LRCH1: variants seen among roughly 807,000 people sequenced by gnomAD.
The protein encoded by LRCH1 is leucine-rich repeat and calponin homology domain-containing protein 1.
In LRCH1, 23 loss-of-function variants were observed where a neutral mutation model predicts 94.9. That is an observed-to-expected ratio of 0.24 (90% CI 0.17 to 0.34). The LOEUF (loss-of-function observed/expected upper bound fraction) is 0.34, where lower values mean the gene tolerates loss of function less well. LRCH1 is among the 10% of genes least tolerant of loss of function. LRCH1 has a pLI of 1.00. For synonymous variants in LRCH1, 364 were observed against 354.9 expected, an observed-to-expected ratio of 1.03 and a Z score of -0.29; for missense variants, 790 against 945.9, an observed-to-expected ratio of 0.84 and a Z score of 2.16.
intron 1 of LRCH1, among the ~76,000 whole-genome samples, chr13:46,636,682 A>T (rs2051094945): frequency 6.6e-6 from 1 of 152,070 alleles, no homozygotes; most frequent in Admixed American, 6.6e-5. Context: ...TCTGACAGTC[A>T]TTTCTCAGTC....
chr13:46,712,565 G>T lies in LRCH1; in HGVS notation c.1622G>T (p.Ser541Ile). The change falls in exon 15 of 20, where the codon AGC becomes ATC. Residue 541 changes from serine to isoleucine, a missense_variant. Coordinates refer to ENST00000389797, the MANE Select transcript of LRCH1 (RefSeq NM_001164211.2). ...CCTGCAGTCTCTCCTACCACAAACA[G>T]CACAGCTCCATTTGGCCTGAAGCCT... ...NSPAVSPTTN[S>I]TAPFGLKPRS... 6.2e-7 allele frequency: 1 copy of T among 1,613,844 alleles called. No individual in the cohort carries two copies. The highest frequency in any genetic ancestry group is 1.1e-5 in the South Asian group (1 of 91,076).
intron 1 of LRCH1, among the ~76,000 whole-genome samples, chr13:46,558,274 A>G (rs761214558): frequency 6.6e-6 from 1 of 152,178 alleles, no homozygotes; most frequent in Non-Finnish European, 1.5e-5. Flanking sequence ...ACTGATGGAC[A>G]TTGTGTGTAG....
Position 46,553,252 on chromosome 13 carries a change from G to T in LRCH1, c.-145G>T. The T allele has an allele frequency of 2.8e-6, 1 of 358,302 alleles. No individual in the cohort carries two copies. 22.2% of individuals were successfully genotyped at this position (358,302 alleles called of 1,614,324 possible). ...TCCCCGCCCGCCCCCCATTCTACGCGCCTGCCCACACCCTCCTCCCCTCCT... is the reference window on the plus strand; with the variant it reads ...TCCCCGCCCGCCCCCCATTCTACGCTCCTGCCCACACCCTCCTCCCCTCCT... On this transcript the variant is annotated 5_prime_UTR_variant, in exon 1 of 20. Coordinates refer to ENST00000389797, the MANE Select transcript of LRCH1 (RefSeq NM_001164211.2).
chr13:46,572,736 A>G (rs2050254299), intron 1 of LRCH1, among the ~76,000 whole-genome samples: 1 of 152,196 alleles, frequency 6.6e-6, no homozygotes, highest in Non-Finnish European at 1.5e-5. Context: ...TAAGTTCTAT[A>G]TTCACAGCCA....
At chr13:46,696,719 A>G (rs191740957) in intron 9 of LRCH1, among the ~76,000 whole-genome samples, 1 of 152,294 alleles carries the variant, frequency 6.6e-6, no homozygotes, top group Admixed American at 6.5e-5. Flanking sequence ...TTAAGGAAAA[A>G]TTGTGCTTGA....
intron 1 of LRCH1, among the ~76,000 whole-genome samples, chr13:46,594,045 T>A (rs1232083471): frequency 1.3e-5 from 2 of 152,130 alleles, no homozygotes; most frequent in Non-Finnish European, 2.9e-5. Flanking sequence ...ATAGGATAGA[T>A]ACCAGGTTCC....
At chr13:46,680,059 G>A (rs2051730878) in intron 3 of LRCH1, 1 of 152,212 alleles carries the variant, frequency 6.6e-6, no homozygotes, top group African/African-American at 2.4e-5. Flanking sequence ...TGCCTTCTAT[G>A]GTGAAAGGGG....
intron 13 of LRCH1, among the ~76,000 whole-genome samples, chr13:46,706,586 T>A (rs1164880452): frequency 9.9e-5 from 15 of 152,168 alleles, no homozygotes; most frequent in Non-Finnish European, 1.6e-4. Flanking sequence ...ATAATTTTTT[T>A]AATTTAATTT....
chr13:46,573,179 G>C (rs1373317118), intron 1 of LRCH1, among the ~76,000 whole-genome samples: 1 of 152,150 alleles, frequency 6.6e-6, no homozygotes, highest in Non-Finnish European at 1.5e-5. Flanking sequence ...TAAACGCTGA[G>C]AGAAACCTTG....
rs79917959 is a variant in LRCH1 at position 46,617,936 on chromosome 13, C to G, written c.308-32265C>G. Among the ~76,000 whole-genome samples the G allele has an allele frequency of 1.7e-3, 254 of 152,220 alleles. 2 individuals are homozygous for G. The highest frequency in any genetic ancestry group is 6.0e-3 in the African/African-American group (249 of 41,528). ...CACTAGGTATTACTAGATACTAGGA[C>G]AGTGAGATAAGTAAGATACAGCCCC... On this transcript the variant is annotated intron_variant, in intron 1 of 19. Coordinates refer to ENST00000389797, the MANE Select transcript of LRCH1 (RefSeq NM_001164211.2).
chr13:46,632,143 C>T (rs1275834436), intron 1 of LRCH1, among the ~76,000 whole-genome samples: 1 of 151,742 alleles, frequency 6.6e-6, no homozygotes, highest in Admixed American at 6.6e-5. Flanking sequence ...GTAGAGTTTG[C>T]AGTGAGCTAA....
chr13:46,591,097 G>T (rs1211195852), intron 1 of LRCH1, among the ~76,000 whole-genome samples: 1 of 152,038 alleles, frequency 6.6e-6, no homozygotes, highest in South Asian at 2.1e-4. Flanking sequence ...TGGACATTCA[G>T]ATTGGCCCTA....
intron 1 of LRCH1, among the ~76,000 whole-genome samples, chr13:46,621,797 C>T (rs2050882874): frequency 6.6e-6 from 1 of 152,014 alleles, no homozygotes; most frequent in African/African-American, 2.4e-5. Flanking sequence ...ATTTTTAAGA[C>T]AATTGTTATT....
intron 18 of LRCH1, 22 bp downstream of exon 18, chr13:46,729,006 C>T (rs763682458): frequency 1.2e-6 from 2 of 1,607,416 alleles, no homozygotes; most frequent in South Asian, 2.2e-5. Flanking sequence ...CAAAGGGAAA[C>T]TAACTGACAT....
At chr13:46,666,342 A>AT (rs2051515689) in intron 2 of LRCH1, among the ~76,000 whole-genome samples, 1 of 152,224 alleles carries the variant, frequency 6.6e-6, no homozygotes, top group Non-Finnish European at 1.5e-5. Flanking sequence ...GAATAAACCC[A>AT]TGTAATCTCA....
rs188515322 is a variant in LRCH1 at position 46,582,287 on chromosome 13, T to A, written c.307+28584T>A. On this transcript the variant is annotated intron_variant, in intron 1 of 19. Coordinates refer to ENST00000389797, the MANE Select transcript of LRCH1 (RefSeq NM_001164211.2). Reference sequence around the variant, plus strand: ...AAAAGGAAAGAGAAAAATATATTTTTAAAAATCTGAGCATGTTGAAAGACA... The same window carrying A: ...AAAAGGAAAGAGAAAAATATATTTTAAAAAATCTGAGCATGTTGAAAGACA... Among the ~76,000 whole-genome samples the A allele has an allele frequency of 3.7e-3, 555 of 150,230 alleles. 2 individuals carry two copies. Among genetic ancestry groups the A allele is most frequent in the African/African-American group, 0.013 (526 of 41,070 alleles).
chr13:46,715,294 A>G (rs1418741405), intron 15 of LRCH1, among the ~76,000 whole-genome samples: 2 of 152,180 alleles, frequency 1.3e-5, no homozygotes, highest in African/African-American at 4.8e-5. Flanking sequence ...GTGGGCTTGC[A>G]GAACTGTTAA....
At chr13:46,616,096 CTG>C (rs917403697) in intron 1 of LRCH1, among the ~76,000 whole-genome samples, 5 of 152,154 alleles carry the variant, frequency 3.3e-5, no homozygotes, top group African/African-American at 1.2e-4. Flanking sequence ...GGCAGCTGAA[CTG>C]TGTACTGGGA....
intron 18 of LRCH1, among the ~76,000 whole-genome samples, chr13:46,731,405 A>AT (rs1340016885): frequency 6.6e-6 from 1 of 151,642 alleles, no homozygotes; most frequent in Non-Finnish European, 1.5e-5. Flanking sequence ...TAATTTTTGT[A>AT]TTTTTACTAG....
Sources: gnomAD v4.1 joint callset for allele counts (sites outside exome capture counted in the v4.1 genomes callset) on GRCh38, gnomAD v4.1.1 for gene constraint, MANE v1.5 for transcripts, NCBI Gene and HGNC (gene_info 2026-07-23, HGNC 2026-07-21) for gene names.